SAMD12: variants seen among roughly 807,000 people sequenced by gnomAD.
The protein encoded by SAMD12 is sterile alpha motif domain-containing protein 12.
A neutral mutation model predicts 15.0 loss-of-function variants in SAMD12; 9 were observed. The ratio of observed to expected loss-of-function variants is 0.60; its 90% CI spans 0.36 to 1.05. SAMD12 has a LOEUF of 1.05. Ranked by LOEUF, SAMD12 falls within the 50% of genes least tolerant of loss-of-function variation. SAMD12 has a pLI of 0.01. For synonymous variants in SAMD12, 86 were observed against 90.1 expected, an observed-to-expected ratio of 0.96 and a Z score of 0.25; for missense variants, 230 against 234.2, an observed-to-expected ratio of 0.98 and a Z score of 0.12.
intron 3 of SAMD12, among the ~76,000 whole-genome samples, chr8:118,393,589 C>G (rs1319064907): frequency 6.6e-6 from 1 of 150,886 alleles, no homozygotes; most frequent in Admixed American, 6.6e-5. Context: ...AATACCCATG[C>G]ATTTTTTTCT....
At chr8:118,191,382 C>G (rs922624653) in exon 5 of SAMD12, 6 of 151,980 alleles carry the variant, frequency 3.9e-5, no homozygotes, top group South Asian at 2.1e-4. Flanking sequence ...AATAGAACCC[C>G]TTTTACCCCC....
chr8:118,442,584 A>G (rs1429785175), intron 2 of SAMD12, among the ~76,000 whole-genome samples: 1 of 152,204 alleles, frequency 6.6e-6, no homozygotes, highest in African/African-American at 2.4e-5. Context: ...CTCTTTGCTC[A>G]TCATCACCTC....
At chr8:118,486,425 A>G (rs7465441) in intron 2 of SAMD12, among the ~76,000 whole-genome samples, 26,016 of 149,300 alleles carry the variant, frequency 0.17, 2,385 homozygotes, top group South Asian at 0.25. Flanking sequence ...AAAAAAAAAA[A>G]AGAGAGAGAG....
intron 2 of SAMD12, among the ~76,000 whole-genome samples, chr8:118,550,978 A>C (rs2131180140): frequency 6.6e-6 from 1 of 151,952 alleles, no homozygotes; most frequent in South Asian, 2.1e-4. Flanking sequence ...AGAAGAGCTA[A>C]CTATCCTAAA....
the SAMD12 span, among the ~76,000 whole-genome samples, chr8:118,142,630 A>G: frequency 6.6e-6 from 1 of 152,202 alleles, no homozygotes; most frequent in Non-Finnish European, 1.5e-5. Flanking sequence ...ATCTGCTTCT[A>G]TAACAAATTC....
rs1221858676 is a variant in SAMD12, at chr8:118,300,908, T to C, written c.433+78652A>G. 2.0e-5 allele frequency among the ~76,000 whole-genome samples: 3 copies of C among 152,232 alleles called. 1 individual carries two copies. The highest frequency in any genetic ancestry group is 2.0e-4 in the Admixed American group (3 of 15,282). ...CTACAATGTAAACACATCTTACCTATTTTAACATGATGCATAAAGATGGTT... is the reference window on the plus strand; with the variant it reads ...CTACAATGTAAACACATCTTACCTACTTTAACATGATGCATAAAGATGGTT... On this transcript the variant is annotated intron_variant, in intron 4 of 4. Coordinates refer to the SAMD12 transcript ENST00000409003.
At chr8:118,192,678 T>C (rs1819441756) in exon 5 of SAMD12, 1 of 151,934 alleles carries the variant, frequency 6.6e-6, no homozygotes, top group African/African-American at 2.4e-5. Context: ...TTTATGAAAA[T>C]TGAAAAGAAT....
chr8:118,393,580 A>G (rs1820399417), intron 3 of SAMD12, among the ~76,000 whole-genome samples: 1 of 150,624 alleles, frequency 6.6e-6, no homozygotes, highest in Non-Finnish European at 1.5e-5. Context: ...ACAAGCAAAA[A>G]TACCCATGCA....
chr8:118,370,708 C>G (rs770046158), intron 4 of SAMD12, among the ~76,000 whole-genome samples: 1 of 152,122 alleles, frequency 6.6e-6, no homozygotes, highest in Non-Finnish European at 1.5e-5. Flanking sequence ...ACTTCATGTT[C>G]TAATTCATAA....
intron 4 of SAMD12, among the ~76,000 whole-genome samples, chr8:118,359,003 CTGTGTG>C (rs35454734): frequency 4.5e-4 from 67 of 149,230 alleles, no homozygotes; most frequent in African/African-American, 1.3e-3. Context: ...TGGCATTAAA[CTGTGTG>C]TGTGTGTGTG....
the SAMD12 span, among the ~76,000 whole-genome samples, chr8:118,145,931 C>A: frequency 2.0e-5 from 3 of 152,228 alleles, no homozygotes; most frequent in South Asian, 6.2e-4. Flanking sequence ...TGGAGGCTGT[C>A]AGCTAACTGC....
At chr8:118,355,417 G>A (rs1818183088) in intron 4 of SAMD12, among the ~76,000 whole-genome samples, 2 of 152,162 alleles carry the variant, frequency 1.3e-5, no homozygotes, top group African/African-American at 4.8e-5. Context: ...TGGGTTCAGT[G>A]TACACTGCTC....
At chr8:118,475,496 A>C (rs1005122208) in intron 2 of SAMD12, among the ~76,000 whole-genome samples, 2 of 152,190 alleles carry the variant, frequency 1.3e-5, no homozygotes, top group Non-Finnish European at 2.9e-5. Flanking sequence ...CAAACAGACT[A>C]AGACACTAAT....
At position 118,621,910 on chromosome 8, in the gene SAMD12, A is replaced by G. The variant is rs1330605305; in HGVS notation, c.-94T>C. 7.0e-7 allele frequency: 1 copy of G among 1,430,736 alleles called. No homozygotes were observed. Among genetic ancestry groups the G allele is most frequent in the Non-Finnish European group, 9.9e-7 (1 of 1,012,984 alleles). The allele number at this position is 1,430,736 out of a possible 1,614,324, so 88.6% of individuals were successfully genotyped here. On this transcript the variant is annotated 5_prime_UTR_variant, in exon 1 of 4. Coordinates refer to ENST00000314727, the MANE Select transcript of SAMD12 (RefSeq NM_207506.3). ...CCCTTCCTCTCGCTTTCGCCTAAATATTCTGCGCTTATCTGCTCCAGGACC... is the reference window on the plus strand; with the variant it reads ...CCCTTCCTCTCGCTTTCGCCTAAATGTTCTGCGCTTATCTGCTCCAGGACC...
the SAMD12 span, among the ~76,000 whole-genome samples, chr8:118,177,530 C>G: frequency 3.9e-5 from 6 of 152,152 alleles, no homozygotes; most frequent in African/African-American, 1.4e-4. Flanking sequence ...AGGCGTGAGC[C>G]CCTGTGCCCA....
At chr8:118,520,294 AAATCATTTAG>A (rs796537238) in intron 2 of SAMD12, among the ~76,000 whole-genome samples, 19 of 152,336 alleles carry the variant, frequency 1.2e-4, no homozygotes, top group African/African-American at 4.6e-4. Flanking sequence ...CAGTCAATTT[AAATCATTTAG>A]AAGCCTACCT....
At chr8:118,413,283 C>T (rs2130819625) in intron 3 of SAMD12, among the ~76,000 whole-genome samples, 1 of 152,244 alleles carries the variant, frequency 6.6e-6, no homozygotes, top group South Asian at 2.1e-4. Context: ...ATTTCAGTAG[C>T]AATAGACAGT....
intron 3 of SAMD12, among the ~76,000 whole-genome samples, chr8:118,431,195 T>G (rs1822394914): frequency 1.3e-5 from 2 of 152,202 alleles, no homozygotes; most frequent in Admixed American, 6.5e-5. Flanking sequence ...CTTGTGGCAT[T>G]GCTGTTATTC....
At chr8:118,233,111 A>G (rs1408328242) in intron 4 of SAMD12, among the ~76,000 whole-genome samples, 1 of 152,080 alleles carries the variant, frequency 6.6e-6, no homozygotes, top group African/African-American at 2.4e-5. Flanking sequence ...TTCCTCCCAA[A>G]CTGTGAGGAA....
Sources: allele counts gnomAD v4.1 joint callset (sites outside exome capture counted in the v4.1 genomes callset), GRCh38; gene constraint gnomAD v4.1.1; transcripts MANE v1.5; gene names NCBI Gene and HGNC (gene_info 2026-07-23, HGNC 2026-07-21).